DAB1: variants seen among roughly 807,000 people sequenced by gnomAD.
DAB1 encodes disabled homolog 1.
A neutral mutation model predicts 64.6 loss-of-function variants in DAB1; 15 were observed. The ratio of observed to expected loss-of-function variants is 0.23; its 90% CI spans 0.16 to 0.36. The LOEUF (loss-of-function observed/expected upper bound fraction) is 0.36. DAB1 is among the 10% of genes least tolerant of loss of function. DAB1 has a pLI of 1.00. For synonymous variants in DAB1, 235 were observed against 251.9 expected (o/e 0.93, Z 0.64); for missense variants, 596 against 706.7 (o/e 0.84, Z 1.78).
intron 5 of DAB1, among the ~76,000 whole-genome samples, chr1:58,094,629 G>C (rs934731302): frequency 1.3e-5 from 2 of 152,242 alleles, no homozygotes; most frequent in Non-Finnish European, 2.9e-5. Flanking sequence ...ATAAGGTACT[G>C]TATATAAAAC....
intron 7 of DAB1, among the ~76,000 whole-genome samples, chr1:57,447,876 T>G (rs949619504): frequency 6.6e-5 from 10 of 152,142 alleles, no homozygotes; most frequent in Non-Finnish European, 1.3e-4. Flanking sequence ...TTGGTCTACA[T>G]TTTAGGATTC....
intron 3 of DAB1, among the ~76,000 whole-genome samples, chr1:58,450,890 G>A (rs1455487524): frequency 6.6e-6 from 1 of 152,112 alleles, no homozygotes; most frequent in East Asian, 1.9e-4. Context: ...ACAATGAGAA[G>A]GGCACTACAC....
intron 5 of DAB1, among the ~76,000 whole-genome samples, chr1:57,916,572 C>A (rs1200674646): frequency 6.6e-6 from 1 of 152,198 alleles, no homozygotes; most frequent in East Asian, 1.9e-4. Flanking sequence ...TAGTTGAGTT[C>A]TCAAAATAAC....
chr1:58,296,509 C>T lies in DAB1; in HGVS notation n.309+46843G>A, dbSNP rs761699434. On this transcript the variant is annotated intron_variant and non_coding_transcript_variant, in intron 4 of 20. Coordinates refer to the DAB1 transcript ENST00000485760. ...AGGCAAAGTGCAGCTCATGCATGTT[C>T]CAAGACTCCAGTGGCACATCCTGCT... Among the ~76,000 whole-genome samples the T allele has an allele frequency of 7.9e-4, 120 of 152,274 alleles. 2 individuals are homozygous for T. The highest frequency in any genetic ancestry group is 6.8e-3 in the Middle Eastern group (2 of 294).
intron 2 of DAB1, among the ~76,000 whole-genome samples, chr1:58,514,510 C>A (rs375546919): frequency 6.6e-6 from 1 of 152,190 alleles, no homozygotes; most frequent in African/African-American, 2.4e-5. Context: ...TTAGCCATCA[C>A]CCCCTTCCAA....
At chr1:58,098,067 C>A (rs562079246) in intron 5 of DAB1, among the ~76,000 whole-genome samples, 1 of 152,252 alleles carries the variant, frequency 6.6e-6, no homozygotes, top group East Asian at 1.9e-4. Flanking sequence ...GTAGAGGATG[C>A]CACAACAAGC....
intron 3 of DAB1, among the ~76,000 whole-genome samples, chr1:58,492,710 A>C (rs1249877769): frequency 6.6e-6 from 1 of 152,206 alleles, no homozygotes; most frequent in Non-Finnish European, 1.5e-5. Context: ...CCCAAGACTA[A>C]ACCAGGAAGA....
chr1:58,071,286 AAC>A (rs1161570290), intron 5 of DAB1, among the ~76,000 whole-genome samples: 1 of 151,800 alleles, frequency 6.6e-6, no homozygotes, highest in East Asian at 1.9e-4. Flanking sequence ...ATCCTGGGAG[AAC>A]ACACAGTATG....
intron 1 of DAB1, among the ~76,000 whole-genome samples, chr1:57,416,817 C>T (rs950171371): frequency 7.2e-5 from 11 of 152,188 alleles, no homozygotes; most frequent in African/African-American, 2.2e-4. Context: ...TTCCAGACAC[C>T]GGAGTTAAAA....
intron 7 of DAB1, among the ~76,000 whole-genome samples, chr1:57,486,364 T>C (rs979737670): frequency 1.3e-5 from 2 of 152,188 alleles, no homozygotes; most frequent in African/African-American, 2.4e-5. Flanking sequence ...GGACCCTAAC[T>C]TTAATTTCTA....
intron 5 of DAB1, among the ~76,000 whole-genome samples, chr1:58,004,461 G>C (rs1292533877): frequency 6.6e-6 from 1 of 152,068 alleles, no homozygotes; most frequent in East Asian, 1.9e-4. Flanking sequence ...GGGAAGCTGT[G>C]GGAACACAAG....
At chr1:57,525,161 A>T (rs1272804708) in intron 7 of DAB1, among the ~76,000 whole-genome samples, 1 of 152,244 alleles carries the variant, frequency 6.6e-6, no homozygotes, top group Non-Finnish European at 1.5e-5. Context: ...AAATGAGCAC[A>T]GTAAACCAAG....
intron 5 of DAB1, among the ~76,000 whole-genome samples, chr1:57,960,785 A>T (rs929079433): frequency 4.6e-5 from 7 of 152,250 alleles, no homozygotes; most frequent in Non-Finnish European, 8.8e-5. Context: ...CTCCACAAAC[A>T]TTTGCAAGTG....
intron 1 of DAB1, among the ~76,000 whole-genome samples, chr1:57,420,674 T>C (rs530343469): frequency 2.6e-4 from 40 of 152,314 alleles, no homozygotes; most frequent in African/African-American, 9.6e-4. Flanking sequence ...TCTCTTGAAA[T>C]CCTGCTATGT....
intron 7 of DAB1, among the ~76,000 whole-genome samples, chr1:57,556,081 C>T (rs1035437933): frequency 3.9e-4 from 59 of 152,240 alleles, no homozygotes; most frequent in African/African-American, 1.4e-3. Context: ...ATAAGATATG[C>T]TTTAAGCAAG....
intron 1 of DAB1, among the ~76,000 whole-genome samples, chr1:57,833,021 G>T (rs916690300): frequency 3.3e-5 from 5 of 151,376 alleles, no homozygotes; most frequent in African/African-American, 1.2e-4. Flanking sequence ...CTCTGTAATG[G>T]TGGGACAACA....
At chr1:58,304,738 G>A (rs972084284) in intron 4 of DAB1, among the ~76,000 whole-genome samples, 1 of 152,164 alleles carries the variant, frequency 6.6e-6, no homozygotes, top group African/African-American at 2.4e-5. Flanking sequence ...GACCCCAGCT[G>A]ACTTACAGAA....
chr1:57,057,854 C>A (rs1287839151), intron 9 of DAB1, among the ~76,000 whole-genome samples: 2 of 152,068 alleles, frequency 1.3e-5, no homozygotes, highest in Non-Finnish European at 2.9e-5. Flanking sequence ...CTGATCCGCC[C>A]GCCTTGGCCT....
intron 9 of DAB1, among the ~76,000 whole-genome samples, chr1:57,054,983 T>TA (rs1336856935): frequency 6.6e-5 from 10 of 152,332 alleles, no homozygotes; most frequent in South Asian, 4.1e-4. Flanking sequence ...AGAAGGTACT[T>TA]ACATTTCTCC....
Sources: allele counts gnomAD v4.1 joint callset (sites outside exome capture counted in the v4.1 genomes callset), GRCh38; gene constraint gnomAD v4.1.1; transcripts MANE v1.5; gene names NCBI Gene and HGNC (gene_info 2026-07-23, HGNC 2026-07-21).